Variants in KDM1B observed in about 807,000 individuals in gnomAD.
KDM1B encodes lysine-specific histone demethylase 2.
Under a neutral mutation model 107.4 loss-of-function variants are expected in KDM1B, and 63 were observed. That is an observed-to-expected ratio of 0.59 (90% CI 0.48 to 0.72). The LOEUF is 0.72. Among genes scored for constraint, KDM1B ranks in the 30% least tolerant of loss-of-function variants. KDM1B has a pLI of 0.00. For missense variants in KDM1B, 749 were observed against 1,020.8 expected, an observed-to-expected ratio of 0.73 and a Z score of 3.63; for synonymous variants, 363 against 363.9, an observed-to-expected ratio of 1.00 and a Z score of 0.03.
At chr6:18,196,796 C>T (rs903157894) in intron 10 of KDM1B, among the ~76,000 whole-genome samples, 14 of 152,020 alleles carry the variant, frequency 9.2e-5, no homozygotes, top group African/African-American at 2.2e-4. Context: ...CTGGAGTCTG[C>T]GTAGATTATA....
At position 18,171,384 on chromosome 6, in the gene KDM1B, T is replaced by G; in HGVS notation, c.439T>G (p.Cys147Gly). ...CTAGGTTCAGTGTACAAAACCTGAG[T>G]GTAGAAAATGGAGGCAGCTTACCAA... is the stretch of plus-strand genomic sequence containing the variant. ...PYWVQCTKPECRKWRQLTKEI... is the reference protein window; with the variant it reads ...PYWVQCTKPEGRKWRQLTKEI... The change falls in exon 7 of 22, where the codon TGT becomes GGT. Residue 147 changes from cysteine to glycine, a missense_variant. Coordinates refer to ENST00000650836, the MANE Select transcript of KDM1B (RefSeq NM_001364614.2). 1 of 1,607,040 alleles carries G rather than the reference T, an allele frequency of 6.2e-7. No individual in the cohort carries two copies. The highest frequency in any genetic ancestry group is 1.1e-5 in the South Asian group (1 of 90,942).
chr6:18,182,174 T>G (rs1453571988), intron 7 of KDM1B, among the ~76,000 whole-genome samples: 1 of 152,088 alleles, frequency 6.6e-6, no homozygotes, highest in Admixed American at 6.6e-5. Context: ...TCACCTTAGT[T>G]AAAGCCTTTA....
chr6:18,160,074 G>A, intron 3 of KDM1B, 92 bp downstream of exon 3: 1 of 798,834 alleles, frequency 1.3e-6, no homozygotes, highest in South Asian at 1.8e-5. Flanking sequence ...GATTACTCCA[G>A]CCCTCAAGTT....
At chr6:18,198,570 G>A (rs868024957) in intron 12 of KDM1B, among the ~76,000 whole-genome samples, 2 of 148,260 alleles carry the variant, frequency 1.3e-5, no homozygotes, top group Admixed American at 6.8e-5. Context: ...CGCCCTTTGC[G>A]GAGCTTGCAG....
chr6:18,177,751 A>T (rs901508129), intron 7 of KDM1B, among the ~76,000 whole-genome samples: 2 of 151,860 alleles, frequency 1.3e-5, no homozygotes, highest in Admixed American at 1.3e-4. Flanking sequence ...GGACATAGCC[A>T]TGCTCATTCC....
intron 7 of KDM1B, among the ~76,000 whole-genome samples, chr6:18,177,939 A>G (rs1424356357): frequency 3.3e-5 from 5 of 152,148 alleles, no homozygotes; most frequent in Admixed American, 1.3e-4. Context: ...ACCCATGGGC[A>G]TGGTATCTGT....
chr6:18,220,567 A>G (rs928343496), intron 21 of KDM1B, among the ~76,000 whole-genome samples: 1 of 152,136 alleles, frequency 6.6e-6, no homozygotes, highest in Non-Finnish European at 1.5e-5. Flanking sequence ...AAAGAATGAC[A>G]TCTAAAAACC....
chr6:18,208,478 A>G (rs1788541638), intron 17 of KDM1B, among the ~76,000 whole-genome samples: 1 of 151,086 alleles, frequency 6.6e-6, no homozygotes, highest in South Asian at 2.1e-4. Context: ...AGAGTTGAAC[A>G]AGAAAAAAAA....
chr6:18,179,801 T>C (rs894793799), intron 7 of KDM1B, among the ~76,000 whole-genome samples: 4 of 149,678 alleles, frequency 2.7e-5, no homozygotes, highest in African/African-American at 9.8e-5. Context: ...ATTCCTGAAA[T>C]TGGTAAGAGC....
intron 16 of KDM1B, 149 bp downstream of exon 16, chr6:18,207,678 A>G (rs1417713417): frequency 1.5e-5 from 13 of 884,934 alleles, no homozygotes; most frequent in Non-Finnish European, 2.3e-5. Flanking sequence ...TAGCCTGTGT[A>G]GCATTATCCA....
intron 16 of KDM1B, 57 bp from the exon 17 acceptor site, chr6:18,208,075 G>A: frequency 8.1e-7 from 1 of 1,240,216 alleles, no homozygotes; most frequent in Non-Finnish European, 1.2e-6. Context: ...AATCGGAAAG[G>A]ATCCTGGATC....
At chr6:18,195,125 T>A (rs1166259664) in intron 10 of KDM1B, among the ~76,000 whole-genome samples, 1 of 152,226 alleles carries the variant, frequency 6.6e-6, no homozygotes, top group Admixed American at 6.5e-5. Flanking sequence ...AGAACTTCAC[T>A]CACTTTTATA....
At chr6:18,175,776 C>G (rs1371612852) in intron 7 of KDM1B, among the ~76,000 whole-genome samples, 1 of 152,048 alleles carries the variant, frequency 6.6e-6, no homozygotes, top group Non-Finnish European at 1.5e-5. Context: ...TCAGTTGGCT[C>G]TAAGTATTTG....
chr6:18,222,016 T>C lies in KDM1B; in HGVS notation c.*24T>C. On this transcript the variant is annotated 3_prime_UTR_variant, in exon 22 of 22. Coordinates refer to ENST00000650836, the MANE Select transcript of KDM1B (RefSeq NM_001364614.2). ...AAGAATTCGGTGGACCCAGCTTTCT[T>C]CTGTACCCCAGATGGGGAAATTTGA... The C allele has an allele frequency of 6.2e-7, 1 of 1,605,486 alleles. No individual in the cohort carries two copies. The highest frequency in any genetic ancestry group is 8.5e-7 in the Non-Finnish European group (1 of 1,172,160).
chr6:18,166,593 C>G (rs1164577998), intron 6 of KDM1B, among the ~76,000 whole-genome samples: 1 of 152,140 alleles, frequency 6.6e-6, no homozygotes, highest in Non-Finnish European at 1.5e-5. Flanking sequence ...ACTTGTAATC[C>G]TAGCCCTTTG....
At chr6:18,206,537 A>G (rs76905938) in intron 15 of KDM1B, among the ~76,000 whole-genome samples, 3,130 of 152,244 alleles carry the variant, frequency 0.021, 62 homozygotes, top group African/African-American at 0.059. Context: ...AAAGAAATCA[A>G]TCACTCCAAA....
At chr6:18,157,831 G>A (rs1465795109) in intron 2 of KDM1B, among the ~76,000 whole-genome samples, 1 of 29,524 alleles carries the variant, frequency 3.4e-5, no homozygotes, top group African/African-American at 1.7e-4. Context: ...TTTTTTTTTT[G>A]AGATGGAGTC....
At chr6:18,167,611 C>T (rs1009582846) in intron 6 of KDM1B, among the ~76,000 whole-genome samples, 1 of 151,604 alleles carries the variant, frequency 6.6e-6, no homozygotes, top group Non-Finnish European at 1.5e-5. Context: ...ATAGCTGGGA[C>T]TCTCCGCACA....
chr6:18,166,052 C>T (rs980360256), intron 5 of KDM1B, among the ~76,000 whole-genome samples: 1 of 152,088 alleles, frequency 6.6e-6, no homozygotes, highest in African/African-American at 2.4e-5. Flanking sequence ...TCAAATAACA[C>T]TATGCCTTTC....
Sources: allele counts gnomAD v4.1 joint callset (sites outside exome capture counted in the v4.1 genomes callset), GRCh38; gene constraint gnomAD v4.1.1; transcripts MANE v1.5; gene names NCBI Gene and HGNC (gene_info 2026-07-23, HGNC 2026-07-21).